DENND1A: variants seen among roughly 807,000 people sequenced by gnomAD.
DENND1A encodes the protein DENN domain containing 1A.
DENND1A carries 51 observed loss-of-function variants against 113.7 expected under a neutral mutation model. The observed-to-expected ratio is 0.45, with a 90% CI of 0.36 to 0.57. DENND1A has a LOEUF of 0.57. Among genes scored for constraint, DENND1A ranks in the 20% least tolerant of loss-of-function variants. DENND1A has a pLI of 0.00. For synonymous variants in DENND1A, 565 were observed against 570.8 expected (o/e 0.99, Z 0.14); for missense variants, 1,258 against 1,395.9 (o/e 0.90, Z 1.57).
At chr9:123,778,932 G>A (rs917279071) in intron 3 of DENND1A, among the ~76,000 whole-genome samples, 14 of 152,176 alleles carry the variant, frequency 9.2e-5, no homozygotes, top group East Asian at 7.7e-4. Context: ...AATGCCTACC[G>A]CATACAAATA....
chr9:123,793,975 T>C (rs1043506236), intron 2 of DENND1A, among the ~76,000 whole-genome samples: 1 of 152,224 alleles, frequency 6.6e-6, no homozygotes, highest in African/African-American at 2.4e-5. Context: ...TTCACCCTCG[T>C]CTTCAACTAC....
intron 19 of DENND1A, among the ~76,000 whole-genome samples, chr9:123,412,268 C>T (rs2044365693): frequency 6.6e-6 from 1 of 152,248 alleles, no homozygotes; most frequent in Non-Finnish European, 1.5e-5. Context: ...CATGCCTGCC[C>T]TGGGCAGATC....
chr9:123,466,767 T>C (rs998240000), intron 13 of DENND1A, among the ~76,000 whole-genome samples: 4 of 152,172 alleles, frequency 2.6e-5, no homozygotes, highest in African/African-American at 7.2e-5. Flanking sequence ...ATAGGTTTCC[T>C]TGGTCATTCA....
chr9:123,539,501 C>G (rs1261385306), intron 13 of DENND1A, among the ~76,000 whole-genome samples: 7 of 151,320 alleles, frequency 4.6e-5, no homozygotes. Context: ...ACCATGAAAT[C>G]AAGATAGTGG....
At chr9:123,902,161 TCACACACACA>T (rs1232745098) in intron 1 of DENND1A, among the ~76,000 whole-genome samples, 1 of 128,164 alleles carries the variant, frequency 7.8e-6, no homozygotes, top group Non-Finnish European at 1.6e-5. Context: ...TACTCATGGG[TCACACACACA>T]CATACACACA....
intron 13 of DENND1A, among the ~76,000 whole-genome samples, chr9:123,517,708 T>C (rs1279388476): frequency 1.3e-5 from 2 of 151,786 alleles, no homozygotes; most frequent in Non-Finnish European, 2.9e-5. Context: ...GTGAGGCAAA[T>C]TCAAGCAGAG....
chr9:123,514,951 C>G (rs991017525), intron 13 of DENND1A, among the ~76,000 whole-genome samples: 1 of 152,176 alleles, frequency 6.6e-6, no homozygotes, highest in Non-Finnish European at 1.5e-5. Flanking sequence ...ACAAGATGAA[C>G]CTCAGGCAGT....
Position 123,873,824 on chromosome 9 carries a change from G to C in DENND1A, c.88+5127C>G, listed in dbSNP as rs185151417. Among the ~76,000 whole-genome samples the C allele has an allele frequency of 1.4e-3, 207 of 151,728 alleles. 1 individual carries two copies. Among genetic ancestry groups the C allele is most frequent in the African/African-American group, 4.7e-3 (196 of 41,378 alleles). On this transcript the variant is annotated intron_variant, in intron 2 of 23. Transcript: ENST00000394215. Reference sequence around the variant, plus strand: ...GTGGCACAATCTCAGCTCACTGCAAGCTCCGCCTCCCAGGTTCAAGCGATC... The same window carrying C: ...GTGGCACAATCTCAGCTCACTGCAACCTCCGCCTCCCAGGTTCAAGCGATC...
Position 123,593,896 on chromosome 9 carries a change from T to G in DENND1A, c.766-10626A>C, listed in dbSNP as rs564683010. Among the ~76,000 whole-genome samples, 75 of 152,218 alleles carry G rather than the reference T, an allele frequency of 4.9e-4. 1 individual carries two copies. The highest frequency in any genetic ancestry group is 1.7e-3 in the African/African-American group (69 of 41,520). On this transcript the variant is annotated intron_variant, in intron 11 of 23. Coordinates refer to ENST00000394215, the MANE Select transcript of DENND1A (RefSeq NM_001352964.2). ...GCTAATTTCCCCCTTGCTGTTCTTG[T>G]GATGGTGAGTGAGTTCTCCCAAGAT...
intron 22 of DENND1A, among the ~76,000 whole-genome samples, chr9:123,385,568 G>A (rs1217762199): frequency 4.6e-5 from 7 of 152,204 alleles, no homozygotes; most frequent in Non-Finnish European, 1.0e-4. Context: ...ACCACCTGGC[G>A]GTCAAGGGTA....
intron 15 of DENND1A, among the ~76,000 whole-genome samples, chr9:123,455,005 A>G (rs1419303522): frequency 6.6e-6 from 1 of 152,082 alleles, no homozygotes; most frequent in African/African-American, 2.4e-5. Context: ...TATTTTTACT[A>G]GAGACGGGGT....
At chr9:123,836,876 C>T (rs761443029) in intron 2 of DENND1A, among the ~76,000 whole-genome samples, 69 of 152,116 alleles carry the variant, frequency 4.5e-4, no homozygotes, top group Middle Eastern at 3.4e-3. Context: ...TAATATAAAA[C>T]GTTTTGGAAT....
chr9:123,797,470 G>A (rs1436400120), intron 2 of DENND1A, among the ~76,000 whole-genome samples: 1 of 152,044 alleles, frequency 6.6e-6, no homozygotes, highest in African/African-American at 2.4e-5. Context: ...AATACACCCA[G>A]AAATAAGCTT....
chr9:123,588,032 C>A (rs547970310), intron 11 of DENND1A, among the ~76,000 whole-genome samples: 8 of 152,182 alleles, frequency 5.3e-5, no homozygotes, highest in African/African-American at 1.9e-4. Context: ...AATCCCAGCA[C>A]TTTGGGAGGC....
At chr9:123,901,930 C>T (rs933164783) in intron 1 of DENND1A, among the ~76,000 whole-genome samples, 15 of 152,080 alleles carry the variant, frequency 9.9e-5, no homozygotes, top group Admixed American at 7.9e-4. Context: ...GGTGTGAACC[C>T]GGGAGACAGA....
chr9:123,407,998 T>C (rs538017291), intron 20 of DENND1A, among the ~76,000 whole-genome samples: 2 of 152,218 alleles, frequency 1.3e-5, no homozygotes, highest in Non-Finnish European at 2.9e-5. Context: ...TTCTTTTTTC[T>C]TCTTTTTAAA....
chr9:123,813,019 T>C (rs1836883581), intron 2 of DENND1A, among the ~76,000 whole-genome samples: 2 of 152,282 alleles, frequency 1.3e-5, no homozygotes, highest in South Asian at 4.1e-4. Context: ...GGCATGATCA[T>C]GGCTCACTGC....
intron 9 of DENND1A, among the ~76,000 whole-genome samples, chr9:123,632,258 G>C (rs2061508463): frequency 6.6e-6 from 1 of 151,938 alleles, no homozygotes; most frequent in African/African-American, 2.4e-5. Context: ...CCATGAACTG[G>C]AACTGATTCA....
intron 2 of DENND1A, among the ~76,000 whole-genome samples, chr9:123,845,247 A>C (rs759683950): frequency 6.6e-6 from 1 of 152,046 alleles, no homozygotes; most frequent in East Asian, 1.9e-4. Flanking sequence ...ATCAACAAGG[A>C]AACCAAAACA....
Sources: allele counts gnomAD v4.1 joint callset (sites outside exome capture counted in the v4.1 genomes callset), GRCh38; gene constraint gnomAD v4.1.1; transcripts MANE v1.5; gene names NCBI Gene and HGNC (gene_info 2026-07-23, HGNC 2026-07-21).